The following KHDRBS3 variants were observed in gnomAD, a reference collection of about 807,000 sequenced individuals.
The protein encoded by KHDRBS3 is KH RNA binding domain containing, signal transduction associated 3.
KHDRBS3 carries 23 observed loss-of-function variants against 45.6 expected under a neutral mutation model. That is an observed-to-expected ratio of 0.50 (90% confidence interval 0.36 to 0.72). The LOEUF (loss-of-function observed/expected upper bound fraction) is 0.72, where lower values mean the gene tolerates loss of function less well. Among genes scored for constraint, KHDRBS3 ranks in the 30% least tolerant of loss-of-function variants. The pLI, the probability that KHDRBS3 is intolerant of heterozygous loss-of-function variation, is 0.00. For synonymous variants in KHDRBS3, 162 were observed against 156.5 expected (o/e 1.04, Z -0.26); for missense variants, 352 against 424.8 (o/e 0.83, Z 1.51).
At chr8:135,601,792 T>C (rs1829227649) in intron 6 of KHDRBS3, among the ~76,000 whole-genome samples, 1 of 152,208 alleles carries the variant, frequency 6.6e-6, no homozygotes, top group South Asian at 2.1e-4. Flanking sequence ...TATACTTTGA[T>C]TCCACTCAAT....
chr8:135,473,475 C>T (rs1052030838), intron 1 of KHDRBS3, among the ~76,000 whole-genome samples: 4 of 152,034 alleles, frequency 2.6e-5, no homozygotes, highest in Non-Finnish European at 2.9e-5. Context: ...GGTCATGCCT[C>T]GGGGGTACTC....
At chr8:135,554,081 C>T (rs1444799524) in intron 4 of KHDRBS3, among the ~76,000 whole-genome samples, 2 of 152,114 alleles carry the variant, frequency 1.3e-5, no homozygotes, top group Admixed American at 6.6e-5. Context: ...AATCACATAG[C>T]TGTTAAGTTC....
At chr8:135,552,586 A>G (rs1234881025) in intron 4 of KHDRBS3, among the ~76,000 whole-genome samples, 1 of 152,142 alleles carries the variant, frequency 6.6e-6, no homozygotes, top group Non-Finnish European at 1.5e-5. Flanking sequence ...TTTCGATAAC[A>G]TAGCAAACCT....
At chr8:135,618,747 C>T (rs911835628) in intron 7 of KHDRBS3, among the ~76,000 whole-genome samples, 1 of 152,172 alleles carries the variant, frequency 6.6e-6, no homozygotes, top group Non-Finnish European at 1.5e-5. Context: ...GTCAGGCCGA[C>T]CTGACCTTTC....
intron 5 of KHDRBS3, among the ~76,000 whole-genome samples, chr8:135,570,864 A>C (rs1827669979): frequency 6.6e-6 from 1 of 152,202 alleles, no homozygotes; most frequent in South Asian, 2.1e-4. Context: ...TTCAGTATTC[A>C]ATTACTTTTT....
At chr8:135,519,449 G>T (rs550789680) in intron 1 of KHDRBS3, among the ~76,000 whole-genome samples, 16 of 152,252 alleles carry the variant, frequency 1.1e-4, no homozygotes, top group Admixed American at 1.0e-3. Context: ...GGAGGCTCCA[G>T]GATCCTTCCT....
chr8:135,499,337 A>C (rs1195668531), intron 1 of KHDRBS3, among the ~76,000 whole-genome samples: 1 of 152,204 alleles, frequency 6.6e-6, no homozygotes, highest in Non-Finnish European at 1.5e-5. Flanking sequence ...AAAGAAACAG[A>C]ATGTCAGAAA....
At chr8:135,464,717 T>A (rs929488590) in intron 1 of KHDRBS3, among the ~76,000 whole-genome samples, 1 of 152,242 alleles carries the variant, frequency 6.6e-6, no homozygotes, top group African/African-American at 2.4e-5. Context: ...ATGTATGTTA[T>A]TTCATTGAAT....
At chr8:135,616,341 G>A (rs1241894359) in intron 7 of KHDRBS3, among the ~76,000 whole-genome samples, 1 of 152,122 alleles carries the variant, frequency 6.6e-6, no homozygotes, top group Non-Finnish European at 1.5e-5. Context: ...AAAAAATTAG[G>A]TTCCTATAAA....
chr8:135,516,266 T>A (rs958422532), intron 1 of KHDRBS3, among the ~76,000 whole-genome samples: 1 of 152,224 alleles, frequency 6.6e-6, no homozygotes, highest in African/African-American at 2.4e-5. Flanking sequence ...TGGAAGTTGC[T>A]CTGGGTGAGT....
At chr8:135,622,898 A>G (rs1279274327) in intron 7 of KHDRBS3, among the ~76,000 whole-genome samples, 1 of 152,204 alleles carries the variant, frequency 6.6e-6, no homozygotes, top group Non-Finnish European at 1.5e-5. Context: ...TCAAAGTTGT[A>G]TATTTTTTGA....
At chr8:135,616,323 A>G (rs1829913734) in intron 7 of KHDRBS3, among the ~76,000 whole-genome samples, 2 of 152,300 alleles carry the variant, frequency 1.3e-5, no homozygotes, top group Non-Finnish European at 2.9e-5. Context: ...AGCAACTAGT[A>G]AGGGGGAAAA....
chr8:135,642,969 T>A (rs1331421767), intron 7 of KHDRBS3, among the ~76,000 whole-genome samples: 1 of 151,984 alleles, frequency 6.6e-6, no homozygotes, highest in East Asian at 1.9e-4. Flanking sequence ...TTATATACTT[T>A]TTTTTAGTAG....
intron 6 of KHDRBS3, among the ~76,000 whole-genome samples, chr8:135,588,039 C>T (rs971447866): frequency 7.2e-5 from 11 of 152,088 alleles, no homozygotes; most frequent in Admixed American, 2.0e-4. Context: ...GACTGTGTGT[C>T]CTGCAGTTTA....
intron 6 of KHDRBS3, among the ~76,000 whole-genome samples, chr8:135,596,582 A>T (rs1203511926): frequency 1.3e-5 from 2 of 152,040 alleles, no homozygotes; most frequent in Non-Finnish European, 2.9e-5. Flanking sequence ...GATATTCAAT[A>T]AAAAAAATTA....
chr8:135,536,832 C>T (rs888230632), intron 2 of KHDRBS3, among the ~76,000 whole-genome samples: 12 of 149,838 alleles, frequency 8.0e-5, no homozygotes, highest in Non-Finnish European at 1.6e-4. Flanking sequence ...CGGTGGCGGG[C>T]GCCTGTAGTC....
intron 5 of KHDRBS3, among the ~76,000 whole-genome samples, chr8:135,567,349 C>G (rs529943174): frequency 6.6e-6 from 1 of 152,086 alleles, no homozygotes; most frequent in Admixed American, 6.6e-5. Context: ...AAGAGAGATT[C>G]CATCAGACAT....
At chr8:135,612,790 T>C (rs1451643832) in intron 7 of KHDRBS3, among the ~76,000 whole-genome samples, 2 of 151,762 alleles carry the variant, frequency 1.3e-5, no homozygotes, top group East Asian at 3.9e-4. Context: ...TGGCAGCCAC[T>C]AGACATGGAG....
chr8:135,525,808 G>A (rs1452578549), intron 2 of KHDRBS3, among the ~76,000 whole-genome samples: 1 of 152,124 alleles, frequency 6.6e-6, no homozygotes, highest in Admixed American at 6.5e-5. Context: ...TATAGACCCT[G>A]TCTTTAAGTA....
Sources: allele counts gnomAD v4.1 joint callset (sites outside exome capture counted in the v4.1 genomes callset), GRCh38; gene constraint gnomAD v4.1.1; transcripts MANE v1.5; gene names NCBI Gene and HGNC (gene_info 2026-07-23, HGNC 2026-07-21).